ABR: variants seen among roughly 807,000 people sequenced by gnomAD.
The protein encoded by ABR is active breakpoint cluster region-related protein.
A neutral mutation model predicts 107.2 loss-of-function variants in ABR; 35 were observed. The observed-to-expected ratio is 0.33, with a 90% CI of 0.25 to 0.43. The LOEUF is 0.43. Ranked by LOEUF, ABR falls within the 20% of genes least tolerant of loss-of-function variation. The probability of loss-of-function intolerance (pLI) is 1.00; values close to 1 mark genes in which losing one functional copy is unlikely to be tolerated. For synonymous variants in ABR, 498 were observed against 462.0 expected, an observed-to-expected ratio of 1.08 and a Z score of -1.00; for missense variants, 815 against 1,115.2, an observed-to-expected ratio of 0.73 and a Z score of 3.83.
intron 1 of ABR, among the ~76,000 whole-genome samples, chr17:1,161,286 A>G (rs1173184842): frequency 6.6e-6 from 1 of 150,804 alleles, no homozygotes; most frequent in South Asian, 2.1e-4. Context: ...TCCTTTGCCC[A>G]GGCCAGAGTG....
At chr17:1,066,643 C>T (rs2034773706) in intron 10 of ABR, among the ~76,000 whole-genome samples, 1 of 152,074 alleles carries the variant, frequency 6.6e-6, no homozygotes, top group African/African-American at 2.4e-5. Flanking sequence ...ATTCTACTGC[C>T]TCAGCCTCCC....
In ABR at chr17:1,084,108, T is replaced by C. The variant is rs1254096862; in HGVS notation, c.532-481A>G. On this transcript the variant is annotated intron_variant, in intron 4 of 22. Transcript: ENST00000302538. The surrounding 1 kb of genome is among the most constrained non-coding windows in gnomAD (Gnocchi z 4.2). ...TGGGGAACGACATTTAAAGGTGCTGTCTTGGCCGGGCGTGGCGGCTCACGC... is the reference window on the plus strand; with the variant it reads ...TGGGGAACGACATTTAAAGGTGCTGCCTTGGCCGGGCGTGGCGGCTCACGC... 6.6e-6 allele frequency among the ~76,000 whole-genome samples: 1 copy of C among 152,188 alleles called. No individual in the cohort carries two copies. The highest frequency in any genetic ancestry group is 6.5e-5 in the Admixed American group (1 of 15,288).
chr17:1,204,558 T>C (rs557885796), intron 1 of ABR, among the ~76,000 whole-genome samples: 2 of 152,346 alleles, frequency 1.3e-5, no homozygotes, highest in African/African-American at 4.8e-5. Flanking sequence ...TAATCCTGTA[T>C]TTTTTCCTGT....
intron 1 of ABR, among the ~76,000 whole-genome samples, chr17:1,143,734 G>T (rs1358475450): frequency 1.3e-5 from 2 of 152,104 alleles, no homozygotes; most frequent in African/African-American, 4.8e-5. Flanking sequence ...AGAAGTGGCC[G>T]CCTGGAGAAG....
intron 6 of ABR, among the ~76,000 whole-genome samples, chr17:1,075,741 T>TA: frequency 6.6e-6 from 1 of 152,328 alleles, no homozygotes; most frequent in East Asian, 1.9e-4. Flanking sequence ...TTAATTTTTT[T>TA]AAAAATATAG....
upstream of ABR, among the ~76,000 whole-genome samples, chr17:1,184,605 A>G (rs1274293975): frequency 6.6e-6 from 1 of 152,026 alleles, no homozygotes; most frequent in East Asian, 1.9e-4. Flanking sequence ...CGCCCAGCAG[A>G]TCGGCATTCA....
In ABR at chr17:1,150,168, A is replaced by C. The variant is rs114039073; in HGVS notation, c.62-24801T>G. ...GGCTGACACACTTCTCAAAGCGCTG[A>C]GATTACAGACGTGAGCCACCGCGCC... On this transcript the variant is annotated intron_variant, in intron 1 of 22. Coordinates refer to ENST00000302538, the MANE Select transcript of ABR (RefSeq NM_021962.5). This position sits in a 1 kb window ranked among gnomAD's most constrained non-coding sequence, Gnocchi z 4.8. Among the ~76,000 whole-genome samples the C allele has an allele frequency of 6.6e-6, 1 of 150,672 alleles. No homozygotes were observed. The highest frequency in any genetic ancestry group is 2.4e-5 in the African/African-American group (1 of 40,928).
At chr17:1,073,479 G>A (rs975158332) in intron 7 of ABR, 146 bp downstream of exon 7, 30 of 608,538 alleles carry the variant, frequency 4.9e-5, no homozygotes, top group Middle Eastern at 3.1e-4. Flanking sequence ...CATGGATACC[G>A]CGGGCCAGAC....
At chr17:1,031,134 G>T (rs2072700560) in intron 16 of ABR, among the ~76,000 whole-genome samples, 1 of 152,166 alleles carries the variant, frequency 6.6e-6, no homozygotes, top group Non-Finnish European at 1.5e-5. Flanking sequence ...CCCAGACCCG[G>T]CAGCATCTCC....
intron 4 of ABR, 126 bp downstream of exon 4, chr17:1,091,539 G>C (rs2037031242): frequency 3.1e-5 from 34 of 1,107,586 alleles, no homozygotes; most frequent in East Asian, 1.3e-4. Flanking sequence ...CTTCCTCCCG[G>C]ACTCGGAGAG....
At chr17:1,108,590 G>A (rs1313798249) in intron 2 of ABR, among the ~76,000 whole-genome samples, 1 of 152,288 alleles carries the variant, frequency 6.6e-6, no homozygotes, top group Admixed American at 6.5e-5. Context: ...TGGGAAGAGG[G>A]TGGCCCCTCT....
intron 9 of ABR, among the ~76,000 whole-genome samples, chr17:1,068,764 C>T (rs913667438): frequency 6.6e-6 from 1 of 152,224 alleles, no homozygotes; most frequent in Non-Finnish European, 1.5e-5. Flanking sequence ...GTTTGCACGT[C>T]AGCTTGGGGT....
Position 1,057,098 on chromosome 17 carries a change from G to A in ABR, c.1386C>T (p.Leu462=). 1 of 1,607,198 alleles carries A rather than the reference G, an allele frequency of 6.2e-7. No individual in the cohort carries two copies. Among genetic ancestry groups the A allele is most frequent in the Non-Finnish European group, 8.5e-7 (1 of 1,174,462 alleles). The change falls in exon 13 of 23, where the codon CTC becomes CTT. Residue 462 remains leucine, a synonymous_variant. Coordinates refer to ENST00000302538, the MANE Select transcript of ABR (RefSeq NM_021962.5). Reference sequence around the variant, plus strand: ...CCACTGAGCTCAGGACAAAGGCCTGGAGATCTGGAGGGAGAGCCGAGAGAG... The same window carrying A: ...CCACTGAGCTCAGGACAAAGGCCTGAAGATCTGGAGGGAGAGCCGAGAGAG... ...EAIQKLQKKD[L]QAFVLSSVEL...
chr17:1,195,867 C>T (rs1004251731), intron 1 of ABR, among the ~76,000 whole-genome samples: 1 of 148,478 alleles, frequency 6.7e-6, no homozygotes, highest in Non-Finnish European at 1.5e-5. Flanking sequence ...TTTGGGAAGG[C>T]AAGTTGGGAT....
At chr17:1,120,708 C>T (rs1259823879) in intron 2 of ABR, among the ~76,000 whole-genome samples, 5 of 152,166 alleles carry the variant, frequency 3.3e-5, no homozygotes, top group Non-Finnish European at 7.3e-5. Context: ...AACCTCACAA[C>T]AGCTGTGAGG....
chr17:1,172,950 A>ACC lies in ABR; in HGVS notation c.61+6715_61+6716dup, dbSNP rs74213812. ...GAATATAGAACAGAGCAGGTAATCC[A>ACC]CCCCCCCCATCACCTCAGCCCACCC... On this transcript the variant is annotated intron_variant, in intron 1 of 22. Transcript: ENST00000302538. 2.8e-3 allele frequency among the ~76,000 whole-genome samples: 349 copies of ACC among 124,842 alleles called. 5 individuals are homozygous for ACC. The highest frequency in any genetic ancestry group is 9.7e-3 in the African/African-American group (316 of 32,578). 81.9% of individuals were successfully genotyped at this position (124,842 alleles called of 152,430 possible).
chr17:1,009,704 G>A lies in ABR; in HGVS notation c.2317C>T (p.Leu773Phe). Residue 773 changes from leucine to phenylalanine, a missense_variant, in exon 21 of 23, where the codon CTC (leucine) becomes TTC (phenylalanine). This residue lies in a region of ABR where 175 missense variants were observed against 284.3 expected (regional missense o/e 0.62). Coordinates refer to ENST00000302538, the MANE Select transcript of ABR (RefSeq NM_021962.5). ...SLPDPNLITF[L>F]FLLEHLKRVA... ...CTTTTCAAGTGTTCCAGCAGGAAGA[G>A]GAAGGTGATGAGGTTGGGGTCGGGC... 1.2e-6 allele frequency: 2 copies of A among 1,614,034 alleles called. No individual in the cohort carries two copies. Among genetic ancestry groups the A allele is most frequent in the Non-Finnish European group, 8.5e-7 (1 of 1,179,908 alleles).
chr17:1,023,731 A>G (rs925277663), intron 16 of ABR, among the ~76,000 whole-genome samples: 21 of 152,118 alleles, frequency 1.4e-4, no homozygotes, highest in Admixed American at 1.2e-3. Flanking sequence ...AGTGGTTAAG[A>G]AACATTAACA....
At chr17:1,008,832 A>C (rs2070280925) in intron 21 of ABR, among the ~76,000 whole-genome samples, 1 of 152,220 alleles carries the variant, frequency 6.6e-6, no homozygotes, top group South Asian at 2.1e-4. Context: ...CGCAAGCCTG[A>C]GGACCTCTGA....
Sources: allele counts gnomAD v4.1 joint callset (sites outside exome capture counted in the v4.1 genomes callset), GRCh38; gene constraint gnomAD v4.1.1; regional missense constraint gnomAD v4.1.1; non-coding constraint Gnocchi (gnomAD v3.1); transcripts MANE v1.5; gene names NCBI Gene and HGNC (gene_info 2026-07-23, HGNC 2026-07-21).